CRTC1: variants seen among roughly 807,000 people sequenced by gnomAD.
CRTC1 encodes CREB-regulated transcription coactivator 1.
In CRTC1, 18 loss-of-function variants were observed where a neutral mutation model predicts 66.1. That is an observed-to-expected ratio of 0.27 (90% CI 0.19 to 0.40). The LOEUF (loss-of-function observed/expected upper bound fraction) is 0.40. Ranked by LOEUF, CRTC1 falls within the 10% of genes least tolerant of loss-of-function variation. The pLI is 1.00. For synonymous variants in CRTC1, 416 were observed against 398.8 expected, an observed-to-expected ratio of 1.04 and a Z score of -0.51; for missense variants, 669 against 887.9, an observed-to-expected ratio of 0.75 and a Z score of 3.13.
chr19:18,744,704 C>T (rs548269679), intron 2 of CRTC1, among the ~76,000 whole-genome samples: 92 of 152,304 alleles, frequency 6.0e-4, no homozygotes, highest in Non-Finnish European at 3.8e-4. Context: ...CTGGACAGCA[C>T]AGTTCCCACC....
At chr19:18,692,048 C>T (rs1255120545) in intron 1 of CRTC1, among the ~76,000 whole-genome samples, 2 of 152,042 alleles carry the variant, frequency 1.3e-5, no homozygotes, top group African/African-American at 2.4e-5. Flanking sequence ...AATCCATACC[C>T]GAACACTGAG....
intron 5 of CRTC1, among the ~76,000 whole-genome samples, chr19:18,750,583 G>A (rs550989868): frequency 6.6e-6 from 1 of 152,370 alleles, no homozygotes; most frequent in African/African-American, 2.4e-5. Flanking sequence ...CAGCCCCAGG[G>A]AACCTGGTGT....
intron 1 of CRTC1, among the ~76,000 whole-genome samples, chr19:18,706,182 CTTTTTTTTTTTTTTTTTTTTTTTTTTTT>C (rs58104974): frequency 4.8e-4 from 9 of 18,676 alleles, no homozygotes; most frequent in Admixed American, 1.5e-3. Context: ...TTCCATTGGT[CTTTTTTTTTTTTTTTTTTTTTTTTTTTT>C]TTTTTTTTTT....
chr19:18,715,399 CCTTCT>C, intron 1 of CRTC1, among the ~76,000 whole-genome samples: 1 of 152,146 alleles, frequency 6.6e-6, no homozygotes, highest in East Asian at 1.9e-4. Flanking sequence ...GGCTAATACC[CCTTCT>C]CTTCTCTTCT....
At position 18,760,281 on chromosome 19, in the gene CRTC1, A is replaced by G; in HGVS notation, c.886+53A>G. On this transcript the variant is annotated intron_variant, in intron 8 of 13. Coordinates refer to ENST00000321949, the MANE Select transcript of CRTC1 (RefSeq NM_015321.3). The surrounding 1 kb of genome is among the most constrained non-coding windows in gnomAD (Gnocchi z 6.2). ...CAGAGCACTGGCTTGTGGAGACAAC[A>G]CGGGCATCTGCAGGATGACTTGGCA... 1 of 1,380,294 alleles carries G rather than the reference A, an allele frequency of 7.2e-7. No individual in the cohort carries two copies. Among genetic ancestry groups the G allele is most frequent in the South Asian group, 1.2e-5 (1 of 81,284 alleles). 85.5% of individuals were successfully genotyped at this position (1,380,294 alleles called of 1,614,324 possible).
intron 1 of CRTC1, among the ~76,000 whole-genome samples, chr19:18,727,851 A>C (rs1329375459): frequency 6.6e-6 from 1 of 151,840 alleles, no homozygotes; most frequent in Non-Finnish European, 1.5e-5. Flanking sequence ...CCTCCTGAGT[A>C]GCTGGGATTA....
At chr19:18,699,185 A>G (rs1196315033) in intron 1 of CRTC1, among the ~76,000 whole-genome samples, 1 of 152,210 alleles carries the variant, frequency 6.6e-6, no homozygotes, top group Non-Finnish European at 1.5e-5. Flanking sequence ...TCATAGAAGC[A>G]GGTGCTCTCT....
intron 8 of CRTC1, among the ~76,000 whole-genome samples, chr19:18,764,783 G>A (rs1015046179): frequency 6.0e-4 from 91 of 152,326 alleles, no homozygotes; most frequent in African/African-American, 2.0e-3. Context: ...GATAGCAGGT[G>A]CTCAGGTCTG....
At position 18,768,590 on chromosome 19, in the gene CRTC1, C is replaced by T; in HGVS notation, c.1117C>T (p.Pro373Ser). 1 of 1,560,104 alleles carries T rather than the reference C, an allele frequency of 6.4e-7. No individual in the cohort carries two copies. The highest frequency in any genetic ancestry group is 8.7e-7 in the Non-Finnish European group (1 of 1,149,814). Reference protein sequence around the residue: ...PPPQPQPPPPPPPASQQPPPP... With the variant: ...PPPQPQPPPPSPPASQQPPPP... ...GCCGCAGCCCCAGCCCCCGCCGCCTCCTCCACCCGCGTCCCAGCAGCCACC... is the reference window on the plus strand; with the variant it reads ...GCCGCAGCCCCAGCCCCCGCCGCCTTCTCCACCCGCGTCCCAGCAGCCACC... The change falls in exon 10 of 14, where the codon CCT (proline) becomes TCT (serine). Residue 373 changes from proline (P) to serine (S), a missense_variant. Transcript: ENST00000321949. This position sits in a 1 kb window ranked among gnomAD's most constrained non-coding sequence, Gnocchi z 5.6.
chr19:18,746,329 C>G (rs1462693868), intron 3 of CRTC1, among the ~76,000 whole-genome samples: 1 of 152,186 alleles, frequency 6.6e-6, no homozygotes, highest in Admixed American at 6.5e-5. Context: ...GAGGCCTCTC[C>G]TACGCGCTGC....
intron 1 of CRTC1, among the ~76,000 whole-genome samples, chr19:18,694,042 G>A (rs1278682528): frequency 6.6e-6 from 1 of 151,190 alleles, no homozygotes; most frequent in Non-Finnish European, 1.5e-5. Flanking sequence ...TGAGGAAGGA[G>A]AATCGCTTGA....
intron 7 of CRTC1, 71 bp downstream of exon 7, chr19:18,759,662 T>C: frequency 3.3e-6 from 5 of 1,538,276 alleles, no homozygotes; most frequent in Non-Finnish European, 3.6e-6. Context: ...GGGCATTCTG[T>C]CCACTCTCTT....
chr19:18,749,933 C>G, intron 5 of CRTC1, 58 bp downstream of exon 5: 1 of 1,382,232 alleles, frequency 7.2e-7, no homozygotes, highest in Non-Finnish European at 1.0e-6. Context: ...GCAGGTAACC[C>G]CTGTTCTCCA....
chr19:18,763,704 C>G (rs947032100), intron 8 of CRTC1, among the ~76,000 whole-genome samples: 22 of 152,224 alleles, frequency 1.4e-4, no homozygotes, highest in African/African-American at 5.3e-4. Context: ...TCTTGCACCT[C>G]GAGACGGGCC....
At chr19:18,686,189 C>T (rs1243631014) in intron 1 of CRTC1, among the ~76,000 whole-genome samples, 2 of 151,990 alleles carry the variant, frequency 1.3e-5, no homozygotes, top group Non-Finnish European at 2.9e-5. Context: ...TGGAATCACA[C>T]AACACGTGGC....
At position 18,768,469 on chromosome 19, in the gene CRTC1, C is replaced by G; in HGVS notation, c.1012-16C>G. The G allele has an allele frequency of 6.2e-7, 1 of 1,605,556 alleles. No homozygotes were observed. The highest frequency in any genetic ancestry group is 8.5e-7 in the Non-Finnish European group (1 of 1,177,920). The stretch of plus-strand genomic sequence containing the variant: ...CAACCAGGGCCCGCCCTGCCTGACG[C>G]TCTCCTCTCCTGCAGGCTGTAGCCA... On this transcript the variant is annotated splice_polypyrimidine_tract_variant and intron_variant, in intron 9 of 13. Transcript: ENST00000321949. This position sits in a 1 kb window ranked among gnomAD's most constrained non-coding sequence, Gnocchi z 5.6.
chr19:18,750,073 G>C (rs1334199381), intron 5 of CRTC1, among the ~76,000 whole-genome samples, 198 bp downstream of exon 5: 4 of 152,214 alleles, frequency 2.6e-5, no homozygotes, highest in African/African-American at 4.8e-5. Flanking sequence ...GTGCATAGGA[G>C]TTTTCTAGGC....
chr19:18,751,292 G>C (rs2054358011), intron 5 of CRTC1, among the ~76,000 whole-genome samples: 1 of 152,030 alleles, frequency 6.6e-6, no homozygotes, highest in African/African-American at 2.4e-5. Flanking sequence ...GGGAGGCCGA[G>C]GTGGGTGGAT....
chr19:18,761,373 T>G (rs1600977695), intron 8 of CRTC1, among the ~76,000 whole-genome samples: 6 of 136,176 alleles, frequency 4.4e-5, no homozygotes, highest in South Asian at 2.4e-4. Context: ...TCCTGGGGGG[T>G]GGGACAGGCT....
Sources: gnomAD v4.1 joint callset for allele counts (sites outside exome capture counted in the v4.1 genomes callset) on GRCh38, gnomAD v4.1.1 for gene constraint, Gnocchi (gnomAD v3.1) non-coding constraint, MANE v1.5 for transcripts, NCBI Gene and HGNC (gene_info 2026-07-23, HGNC 2026-07-21) for gene names.